STARD13: variants seen among roughly 807,000 people sequenced by gnomAD.
STARD13 encodes stAR-related lipid transfer protein 13.
STARD13 carries 62 observed loss-of-function variants against 106.4 expected under a neutral mutation model. The ratio of observed to expected loss-of-function variants is 0.58; its 90% CI spans 0.48 to 0.72. STARD13 has a LOEUF of 0.72. STARD13 is among the 30% of genes least tolerant of loss of function. The pLI is 0.00. For synonymous variants in STARD13, 565 were observed against 553.0 expected (o/e 1.02, Z -0.31); for missense variants, 1,387 against 1,424.0 (o/e 0.97, Z 0.42).
chr13:33,445,772 C>T, the STARD13 span, among the ~76,000 whole-genome samples: 7 of 152,028 alleles, frequency 4.6e-5, no homozygotes, highest in Non-Finnish European at 7.4e-5. Context: ...AGAAGAGGGG[C>T]CAGGTGCCAG....
intron 1 of STARD13, among the ~76,000 whole-genome samples, chr13:33,322,755 C>G (rs1391222707): frequency 6.6e-6 from 1 of 152,172 alleles, no homozygotes; most frequent in African/African-American, 2.4e-5. Context: ...GAAGAGACTG[C>G]TATCTTTAAA....
chr13:33,552,976 T>G, the STARD13 span, among the ~76,000 whole-genome samples: 2,149 of 152,282 alleles, frequency 0.014, 39 homozygotes, highest in Middle Eastern at 0.031. Context: ...TGAACCATAT[T>G]TTAAAGCTAC....
intron 3 of STARD13, among the ~76,000 whole-genome samples, chr13:33,162,055 G>A (rs918954890): frequency 3.9e-5 from 6 of 152,052 alleles, no homozygotes. Flanking sequence ...ATTTGGGTGG[G>A]GACACAGCCA....
chr13:33,175,220 T>C (rs1026687875), intron 1 of STARD13, among the ~76,000 whole-genome samples: 1 of 152,168 alleles, frequency 6.6e-6, no homozygotes, highest in Non-Finnish European at 1.5e-5. Flanking sequence ...TACAGATTGT[T>C]CCAATCAGGC....
chr13:33,271,356 C>G (rs1454518308), intron 1 of STARD13: 1 of 152,282 alleles, frequency 6.6e-6, no homozygotes, highest in Non-Finnish European at 1.5e-5. Flanking sequence ...ACTCCTTGTA[C>G]TCCCTAGTGT....
At chr13:33,214,701 C>T (rs9569050) in intron 1 of STARD13, among the ~76,000 whole-genome samples, 2 of 6,780 alleles carry the variant, frequency 2.9e-4, no homozygotes, top group East Asian at 0.056. Flanking sequence ...TGCACACATA[C>T]ACACACACAC....
the STARD13 span, among the ~76,000 whole-genome samples, chr13:33,408,209 T>A: frequency 2.2e-4 from 34 of 152,332 alleles, no homozygotes; most frequent in Non-Finnish European, 3.5e-4. Flanking sequence ...AGGGTACTGT[T>A]CAGTGGTGTT....
At chr13:33,108,373 C>T (rs147478339) in intron 12 of STARD13, among the ~76,000 whole-genome samples, 4 of 152,270 alleles carry the variant, frequency 2.6e-5, no homozygotes, top group African/African-American at 7.2e-5. Flanking sequence ...AGGGCTGCAC[C>T]TCTTCTCCTT....
chr13:33,208,553 C>G (rs565671793), intron 1 of STARD13, among the ~76,000 whole-genome samples: 1 of 152,196 alleles, frequency 6.6e-6, no homozygotes, highest in African/African-American at 2.4e-5. Context: ...GCTCAGGTAG[C>G]AATTATGAAC....
intron 1 of STARD13, among the ~76,000 whole-genome samples, chr13:33,264,220 T>G (rs1441239419): frequency 6.6e-6 from 1 of 152,202 alleles, no homozygotes; most frequent in African/African-American, 2.4e-5. Context: ...GTCACAGTCA[T>G]CAAAGAACAG....
chr13:33,642,404 G>C, the STARD13 span, among the ~76,000 whole-genome samples: 1 of 152,354 alleles, frequency 6.6e-6, no homozygotes, highest in South Asian at 2.1e-4. Context: ...GGTGGGCCTG[G>C]AGCAAAGCTC....
In STARD13 at chr13:33,129,927, C is replaced by T. The variant is rs148927890; in HGVS notation, c.750G>A (p.Lys250=). Residue 250 remains lysine (K), a synonymous_variant, in exon 5 of 14, where the codon AAG becomes AAA. Transcript: ENST00000336934. Reference sequence around the variant, plus strand: ...ATGATTTGGCCCTAGCCCTCGTGGGCTTCTCATTCTTGGGGTGGAAGGGGT... The same window carrying T: ...ATGATTTGGCCCTAGCCCTCGTGGGTTTCTCATTCTTGGGGTGGAAGGGGT... ...LNHPFHPKNE[K]PTRARAKSFL... The T allele has an allele frequency of 1.5e-4, 250 of 1,613,500 alleles. No individual in the cohort carries two copies. Among genetic ancestry groups the T allele is most frequent in the Middle Eastern group, 1.2e-3 (7 of 6,062 alleles).
rs184886859 is a variant in STARD13, at chr13:33,110,750, T to C, written c.2765A>G (p.Lys922Arg). Residue 922 changes from lysine (K) to arginine (R), a missense_variant, in exon 11 of 14, where the codon AAG (lysine) becomes AGG (arginine). Physicochemically the swap from Lys to Arg is conservative, Grantham distance 26 (BLOSUM62 2). Transcript: ENST00000336934. ...CGTGACCCATCCTTTGAACTTCTCC[T>C]TGGCTTCTTTCTGGAGGCCCTGGAT... is the stretch of plus-strand genomic sequence containing the variant. ...HLIQGLQKEA[K>R]EKFKGWVTCS... 1 of 1,614,260 alleles carries C rather than the reference T, an allele frequency of 6.2e-7. No homozygotes were observed. The highest frequency in any genetic ancestry group is 1.3e-5 in the African/African-American group (1 of 75,072).
At chr13:33,178,907 A>C (rs1884968617) in intron 1 of STARD13, among the ~76,000 whole-genome samples, 1 of 152,252 alleles carries the variant, frequency 6.6e-6, no homozygotes, top group Non-Finnish European at 1.5e-5. Flanking sequence ...TGTGACTCCC[A>C]AAATTCTTCA....
chr13:33,454,383 C>T, the STARD13 span, among the ~76,000 whole-genome samples: 1 of 152,224 alleles, frequency 6.6e-6, no homozygotes. Flanking sequence ...TCCCAACTTT[C>T]CTTTCTACCT....
the STARD13 span, among the ~76,000 whole-genome samples, chr13:33,643,848 C>G: frequency 1.3e-5 from 2 of 152,216 alleles, no homozygotes; most frequent in East Asian, 3.9e-4. Context: ...CCTTGCTTCC[C>G]CCAGGAGATT....
intron 1 of STARD13, among the ~76,000 whole-genome samples, chr13:33,300,753 A>G (rs1892677536): frequency 6.6e-6 from 1 of 152,204 alleles, no homozygotes; most frequent in Non-Finnish European, 1.5e-5. Context: ...TTTATTGATT[A>G]TGGAAATTAC....
At chr13:33,571,463 A>C in the STARD13 span, among the ~76,000 whole-genome samples, 3 of 152,082 alleles carry the variant, frequency 2.0e-5, no homozygotes, top group Admixed American at 1.3e-4. Context: ...TTTTCTGCAT[A>C]CCTTATGCTA....
intron 1 of STARD13, among the ~76,000 whole-genome samples, chr13:33,263,314 T>G (rs1890739277): frequency 6.6e-6 from 1 of 152,016 alleles, no homozygotes; most frequent in South Asian, 2.1e-4. Flanking sequence ...AGGGCAAAAT[T>G]GTACCTGCTT....
Sources: allele counts gnomAD v4.1 joint callset (sites outside exome capture counted in the v4.1 genomes callset), GRCh38; gene constraint gnomAD v4.1.1; transcripts MANE v1.5; gene names NCBI Gene and HGNC (gene_info 2026-07-23, HGNC 2026-07-21).